Variants in DCP2 observed in about 807,000 individuals in gnomAD.
DCP2 encodes the protein m7GpppN-mRNA hydrolase.
DCP2 carries 30 observed loss-of-function variants against 56.1 expected under a neutral mutation model. The observed-to-expected ratio is 0.53, with a 90% confidence interval of 0.40 to 0.73. The LOEUF (loss-of-function observed/expected upper bound fraction) is 0.73. Among genes scored for constraint, DCP2 ranks in the 30% least tolerant of loss-of-function variants. The pLI is 0.00. For synonymous variants in DCP2, 197 were observed against 163.3 expected (o/e 1.21, Z -1.57); for missense variants, 533 against 502.7 (o/e 1.06, Z -0.58).
intron 2 of DCP2, among the ~76,000 whole-genome samples, chr5:112,988,091 T>C (rs1243521054): frequency 1.3e-5 from 2 of 152,134 alleles, no homozygotes; most frequent in Non-Finnish European, 2.9e-5. Context: ...TCGGGCTCTG[T>C]AGAAAATGGA....
chr5:112,997,810 T>C lies in DCP2; in HGVS notation c.433-3274T>C, dbSNP rs1163073600. On this transcript the variant is annotated intron_variant, in intron 4 of 10. Transcript: ENST00000389063. The stretch of plus-strand genomic sequence containing the variant: ...TTGTATTTTTAGTAGAGATGGGGTT[T>C]CACTATGTTGGCCAGGCTGGTCTTG... Among the ~76,000 whole-genome samples the C allele has an allele frequency of 2.0e-5, 3 of 152,238 alleles. No individual in the cohort carries two copies. In the East Asian group the frequency reaches 5.8e-4, roughly 29 times the overall value.
chr5:113,006,523 C>T (rs1304793458), intron 8 of DCP2, among the ~76,000 whole-genome samples: 1 of 152,192 alleles, frequency 6.6e-6, no homozygotes, highest in Non-Finnish European at 1.5e-5. Context: ...CAAAGCCATA[C>T]TTCCTTCACA....
chr5:112,996,437 A>G (rs1748857631), intron 4 of DCP2, among the ~76,000 whole-genome samples: 1 of 152,150 alleles, frequency 6.6e-6, no homozygotes, highest in Non-Finnish European at 1.5e-5. Context: ...AGTTACATAC[A>G]TTTAAGTTCT....
chr5:112,977,076 C>G, intron 1 of DCP2, 90 bp downstream of exon 1: 3 of 985,870 alleles, frequency 3.0e-6, no homozygotes, highest in Non-Finnish European at 4.3e-6. Flanking sequence ...TCCCCGCCCA[C>G]GTCCATGTCC....
chr5:112,988,789 T>TG (rs1580802542), intron 2 of DCP2, among the ~76,000 whole-genome samples: 1 of 152,214 alleles, frequency 6.6e-6, no homozygotes, highest in African/African-American at 2.4e-5. Flanking sequence ...TACAATCTAG[T>TG]TAAGGAAACG....
intron 8 of DCP2, among the ~76,000 whole-genome samples, chr5:113,005,129 C>T (rs1378828250): frequency 8.7e-6 from 1 of 114,412 alleles, no homozygotes; most frequent in African/African-American, 3.7e-5. Context: ...AACTCTGTCT[C>T]AAAAAAAAAA....
rs1554099374 is a variant in DCP2 at position 112,988,494 on chromosome 5, T to TTA, written c.205+2508_205+2509insTA. Among the ~76,000 whole-genome samples, 30 of 82,440 alleles carry TTA rather than the reference T, an allele frequency of 3.6e-4. 1 individual carries two copies. The East Asian group carries it at 4.4e-3, about 12-fold the overall frequency. The allele number at this position is 82,440 out of a possible 152,430, so 54.1% of individuals were successfully genotyped here. On this transcript the variant is annotated intron_variant, in intron 2 of 10. Transcript: ENST00000389063. ...GTGACACAGCGAGACTGTGTCTTAATAAAAAAAAAAAAAAAAAAAAAAAAT... is the reference window on the plus strand; with the variant it reads ...GTGACACAGCGAGACTGTGTCTTAATTAAAAAAAAAAAAAAAAAAAAAAAAAT...
chr5:113,005,151 G>GGTGTGTGTGGGTGT (rs1554101209), intron 8 of DCP2, among the ~76,000 whole-genome samples: 1 of 149,420 alleles, frequency 6.7e-6, no homozygotes, highest in Admixed American at 6.6e-5. Flanking sequence ...TGTGCGTGTG[G>GGTGTGTGTGGGTGT]GTGTGTGTGT....
In DCP2 at chr5:113,000,399, TAC is replaced by T. The variant is rs758225763; in HGVS notation, c.433-660_433-659del. On this transcript the variant is annotated intron_variant, in intron 4 of 10. Transcript: ENST00000389063. ...TTTTGAAGTGCAATTACTTGTCTAA[TAC>T]ACACACACACACACACACACACACC... Among the ~76,000 whole-genome samples the T allele has an allele frequency of 3.2e-4, 39 of 123,566 alleles. 5 individuals are homozygous for T. The highest frequency in any genetic ancestry group is 7.1e-4 in the South Asian group (3 of 4,214). 81.1% of individuals were successfully genotyped at this position (123,566 alleles called of 152,430 possible).
chr5:113,014,362 C>A lies in DCP2; in HGVS notation c.*878C>A, dbSNP rs1222740706. ...GGAAAACTGATATTACTAGGTTTTA[C>A]GTTGCATCTCCAGTATTGATCTTTG... On this transcript the variant is annotated 3_prime_UTR_variant, in exon 11 of 11. Transcript: ENST00000389063. 1 of 152,130 alleles carries A rather than the reference C, an allele frequency of 6.6e-6. No homozygotes were observed. The highest frequency in any genetic ancestry group is 1.5e-5 in the Non-Finnish European group (1 of 68,016). 9.4% of individuals were successfully genotyped at this position (152,130 alleles called of 1,614,324 possible). A position where few individuals can be genotyped will look rare whatever the true frequency, so the allele number is the denominator to read the frequency against.
rs996356622 is a variant in DCP2 at position 113,014,736 on chromosome 5, G to A, written c.*1252G>A. 1 of 152,534 alleles carries A rather than the reference G, an allele frequency of 6.6e-6. No individual in the cohort carries two copies. Among genetic ancestry groups the A allele is most frequent in the African/African-American group, 2.4e-5 (1 of 41,386 alleles). The allele number at this position is 152,534 out of a possible 1,614,324, so 9.4% of individuals were successfully genotyped here. A position where few individuals can be genotyped will look rare whatever the true frequency, so the allele number is the denominator to read the frequency against. On this transcript the variant is annotated 3_prime_UTR_variant, in exon 11 of 11. Coordinates refer to ENST00000389063, the MANE Select transcript of DCP2 (RefSeq NM_152624.6). ...CTGACCTCATTGAAGGAATTTCTTG[G>A]GAGTCGGGGGTGTTTGAGTATATGT... is the stretch of plus-strand genomic sequence containing the variant.
In DCP2 at chr5:113,008,011, T is replaced by C; in HGVS notation, c.1016T>C (p.Leu339Pro). ...AATCAAAAGAAAAGAACAAATGGGC[T>C]TCAGCCAGCAAAGCAGCAGAATTCT... is the stretch of plus-strand genomic sequence containing the variant. ...SPNQKKRTNG[L>P]QPAKQQNSLM... Residue 339 changes from leucine to proline, a missense_variant, in exon 9 of 11, where the codon CTT becomes CCT. Coordinates refer to ENST00000389063, the MANE Select transcript of DCP2 (RefSeq NM_152624.6). 1 of 1,614,048 alleles carries C rather than the reference T, an allele frequency of 6.2e-7. No homozygotes were observed. Among genetic ancestry groups the C allele is most frequent in the Non-Finnish European group, 8.5e-7 (1 of 1,179,930 alleles).
chr5:112,990,859 A>G (rs550732743), intron 2 of DCP2, among the ~76,000 whole-genome samples: 1 of 148,780 alleles, frequency 6.7e-6, no homozygotes, highest in Admixed American at 6.9e-5. Context: ...GTAAAATTCA[A>G]ATTAATAAAA....
At chr5:112,992,289 C>G (rs201778091) in intron 3 of DCP2, 41 bp downstream of exon 3, 16 of 1,576,340 alleles carry the variant, frequency 1.0e-5, no homozygotes, top group African/African-American at 6.9e-5. Flanking sequence ...AAATGGTGAT[C>G]GTTAATCTGT....
chr5:113,004,229 C>G, intron 8 of DCP2, 152 bp downstream of exon 8: 1 of 879,322 alleles, frequency 1.1e-6, no homozygotes, highest in South Asian at 1.9e-5. Context: ...TGAAGCAGGG[C>G]TGAGGCTTCT....
intron 9 of DCP2, chr5:113,008,285 T>C (rs1749533198): frequency 8.2e-6 from 3 of 364,548 alleles, no homozygotes; most frequent in Non-Finnish European, 4.9e-6. Flanking sequence ...TATTTTAATA[T>C]CAATGTGTAC....
In DCP2 at chr5:113,020,523, G is replaced by A. The variant is rs144321898; in HGVS notation, c.*7039G>A. 5 of 152,272 alleles carry A rather than the reference G, an allele frequency of 3.3e-5. No homozygotes were observed. The highest frequency in any genetic ancestry group is 1.2e-4 in the African/African-American group (5 of 41,550). The allele number at this position is 152,272 out of a possible 1,614,324, so 9.4% of individuals were successfully genotyped here. A position where few individuals can be genotyped will look rare whatever the true frequency, so the allele number is the denominator to read the frequency against. On this transcript the variant is annotated 3_prime_UTR_variant, in exon 11 of 11. Coordinates refer to ENST00000389063, the MANE Select transcript of DCP2 (RefSeq NM_152624.6). ...TATAAGAACAGAAACATTTGGAACA[G>A]GTTTCATTCTGTTTCTAGATTTATG...
At chr5:112,987,200 A>G (rs1028410531) in intron 2 of DCP2, among the ~76,000 whole-genome samples, 1 of 152,212 alleles carries the variant, frequency 6.6e-6, no homozygotes, top group Non-Finnish European at 1.5e-5. Context: ...TTGGAAAAAA[A>G]AGTGGAAATA....
At position 113,021,022 on chromosome 5, in the gene DCP2, T is replaced by G. The variant is rs1441860427; in HGVS notation, c.*7538T>G. 2 of 152,186 alleles carry G rather than the reference T, an allele frequency of 1.3e-5. No homozygotes were observed. The highest frequency in any genetic ancestry group is 2.9e-5 in the Non-Finnish European group (2 of 68,038). The allele number at this position is 152,186 out of a possible 1,614,324, so 9.4% of individuals were successfully genotyped here. A position where few individuals can be genotyped will look rare whatever the true frequency, so the allele number is the denominator to read the frequency against. ...TCATCGTAGGTTCTGAGTTGCTCAT[T>G]GTGGTTGCTCTTTGGACCAATAAAA... On this transcript the variant is annotated 3_prime_UTR_variant, in exon 11 of 11. Transcript: ENST00000389063.
Sources: gnomAD v4.1 joint callset for allele counts (sites outside exome capture counted in the v4.1 genomes callset) on GRCh38, gnomAD v4.1.1 for gene constraint, MANE v1.5 for transcripts, NCBI Gene and HGNC (gene_info 2026-07-23, HGNC 2026-07-21) for gene names.